EFNB2: variants seen among roughly 807,000 people sequenced by gnomAD.
The protein encoded by EFNB2 is ephrin B2, also known as ephrin-B2.
In EFNB2, 5 loss-of-function variants were observed where a neutral mutation model predicts 32.1. That is an observed-to-expected ratio of 0.16 (90% CI 0.08 to 0.33). The LOEUF (loss-of-function observed/expected upper bound fraction) is 0.33, where lower values mean the gene tolerates loss of function less well. EFNB2 is among the 10% of genes least tolerant of loss of function. EFNB2 has a pLI of 1.00. For missense variants in EFNB2, 263 were observed against 422.6 expected (o/e 0.62, Z 3.31); for synonymous variants, 168 against 166.5 (o/e 1.01, Z -0.07).
At chr13:106,513,010 G>GACAGAAAGA (rs1199715615) in intron 1 of EFNB2, among the ~76,000 whole-genome samples, 198 bp from the exon 2 acceptor site, 4 of 152,166 alleles carry the variant, frequency 2.6e-5, no homozygotes, top group African/African-American at 9.7e-5. Context: ...AAAAAGGAAA[G>GACAGAAAGA]ACAGAAAGAA....
At chr13:106,494,639 T>C (rs932712564) in intron 4 of EFNB2, among the ~76,000 whole-genome samples, 2 of 152,230 alleles carry the variant, frequency 1.3e-5, no homozygotes, top group Non-Finnish European at 2.9e-5. Flanking sequence ...GTAGTTCTAA[T>C]AACTGGCACT....
At chr13:106,530,053 A>G (rs1879823871) in intron 1 of EFNB2, among the ~76,000 whole-genome samples, 1 of 152,252 alleles carries the variant, frequency 6.6e-6, no homozygotes, top group Admixed American at 6.5e-5. Context: ...ATTTAAAATG[A>G]GAATTAAACA....
At chr13:106,534,743 G>A (rs1880004798) in intron 1 of EFNB2, 100 bp downstream of exon 1, 3 of 1,406,608 alleles carry the variant, frequency 2.1e-6, no homozygotes, top group Non-Finnish European at 2.8e-6. Context: ...CGAGGTTCCA[G>A]AAACAGGCTC....
Position 106,493,189 on chromosome 13 carries a change from C to T in EFNB2, c.853G>A (p.Glu285Lys). ...PKRSGNNNGSEPSDIIIPLRT... is the reference protein window; with the variant it reads ...PKRSGNNNGSKPSDIIIPLRT... ...AGCGGGATGATAATGTCACTGGGCT[C>T]TGAGCCGTTGTTGTTGCCGCTGCGC... The change falls in exon 5 of 5, where the codon GAG becomes AAG. Residue 285 changes from glutamate (E) to lysine (K), a missense_variant. Around this residue, in one of 3 missense-constraint regions of EFNB2, gnomAD observed 172 missense variants for 237.1 expected, o/e 0.73. Transcript: ENST00000646441. This position sits in a 1 kb window ranked among gnomAD's most constrained non-coding sequence, Gnocchi z 6.1. 6.2e-7 allele frequency: 1 copy of T among 1,614,206 alleles called. No homozygotes were observed. The highest frequency in any genetic ancestry group is 8.5e-7 in the Non-Finnish European group (1 of 1,180,044).
At chr13:106,520,611 A>C (rs927003811) in intron 1 of EFNB2, 3 of 152,234 alleles carry the variant, frequency 2.0e-5, no homozygotes, top group Admixed American at 6.5e-5. Flanking sequence ...CAGGATCTTC[A>C]GTCTTGCATG....
chr13:106,506,854 G>C (rs1435382156), intron 2 of EFNB2: 1 of 152,196 alleles, frequency 6.6e-6, no homozygotes, highest in African/African-American at 2.4e-5. Context: ...CTTTACAGAT[G>C]AAGAGACTGA....
At chr13:106,499,527 A>G (rs947188734) in intron 2 of EFNB2, among the ~76,000 whole-genome samples, 13 of 152,198 alleles carry the variant, frequency 8.5e-5, no homozygotes, top group African/African-American at 3.1e-4. Flanking sequence ...TTAGAGAAAG[A>G]GTGAAAATAA....
Position 106,489,753 on chromosome 13 carries a change from T to C in EFNB2, c.*3287A>G, listed in dbSNP as rs1044137500. The C allele has an allele frequency of 1.3e-5, 2 of 152,580 alleles. No homozygotes were observed. The highest frequency in any genetic ancestry group is 2.1e-4 in the South Asian group (1 of 4,832). The allele number at this position is 152,580 out of a possible 1,614,324, so 9.5% of individuals were successfully genotyped here. A position where few individuals can be genotyped will look rare whatever the true frequency, so the allele number is the denominator to read the frequency against. On this transcript the variant is annotated 3_prime_UTR_variant, in exon 5 of 5. Coordinates refer to ENST00000646441, the MANE Select transcript of EFNB2 (RefSeq NM_004093.4). ...AAGTACTTTGAAGGCACTTTTTCCA[T>C]AGGAAAAAAATATTTTATTTTTTTA...
Position 106,493,543 on chromosome 13 carries a change from A to T in EFNB2, c.614-115T>A. On this transcript the variant is annotated intron_variant, in intron 4 of 4. Coordinates refer to ENST00000646441, the MANE Select transcript of EFNB2 (RefSeq NM_004093.4). This position sits in a 1 kb window ranked among gnomAD's most constrained non-coding sequence, Gnocchi z 6.1. ...ATAAGCCAGGCTTATTACTAACTAGAAGCTGGACTTTGCCTCGCCAATACC... is the reference window on the plus strand; with the variant it reads ...ATAAGCCAGGCTTATTACTAACTAGTAGCTGGACTTTGCCTCGCCAATACC... 7.2e-7 allele frequency: 1 copy of T among 1,397,160 alleles called. No individual in the cohort carries two copies. The highest frequency in any genetic ancestry group is 9.5e-7 in the Non-Finnish European group (1 of 1,048,444). The allele number at this position is 1,397,160 out of a possible 1,614,324, so 86.5% of individuals were successfully genotyped here.
Position 106,494,993 on chromosome 13 carries a change from A to G in EFNB2, c.501T>C (p.Asp167=), listed in dbSNP as rs1878540814. The part of the protein sequence containing the change: ...AMKILMKVGQ[D]ASSAGSTRNK... ...TCCTGGTTGATCCAGCAGAACTTGC[A>G]TCTATATGAAAAACAAATGATTAAT... is the stretch of plus-strand genomic sequence containing the variant. The change falls in exon 4 of 5, where the codon GAT becomes GAC. Residue 167 remains aspartate (D), a splice_region_variant and synonymous_variant. Coordinates refer to ENST00000646441, the MANE Select transcript of EFNB2 (RefSeq NM_004093.4). 8 of 1,612,962 alleles carry G rather than the reference A, an allele frequency of 5.0e-6. No homozygotes were observed. In the East Asian group the frequency reaches 1.8e-4, roughly 36 times the overall value.
intron 1 of EFNB2, among the ~76,000 whole-genome samples, chr13:106,514,102 T>C (rs1421041537): frequency 2.6e-5 from 4 of 152,178 alleles, no homozygotes; most frequent in Non-Finnish European, 5.9e-5. Context: ...GAAAAATGTA[T>C]GTGGCTGTTA....
At chr13:106,530,822 A>C (rs182602881) in intron 1 of EFNB2, among the ~76,000 whole-genome samples, 1 of 152,274 alleles carries the variant, frequency 6.6e-6, no homozygotes, top group Non-Finnish European at 1.5e-5. Flanking sequence ...GACAGCAAGG[A>C]TTTAGTTGCT....
chr13:106,503,373 A>G (rs1399878241), intron 2 of EFNB2, among the ~76,000 whole-genome samples: 1 of 152,250 alleles, frequency 6.6e-6, no homozygotes, highest in Non-Finnish European at 1.5e-5. Flanking sequence ...ATGAGAGTCA[A>G]TGGTAAAAGA....
intron 1 of EFNB2, among the ~76,000 whole-genome samples, chr13:106,530,339 T>C (rs1194665546): frequency 2.0e-5 from 3 of 152,210 alleles, no homozygotes; most frequent in Non-Finnish European, 4.4e-5. Context: ...CTATGGGTTC[T>C]GCATATTTTA....
At chr13:106,511,616 T>A (rs1594169275) in intron 2 of EFNB2, among the ~76,000 whole-genome samples, 1 of 152,166 alleles carries the variant, frequency 6.6e-6, no homozygotes, top group Non-Finnish European at 1.5e-5. Context: ...AGATAGCAGT[T>A]CCCTAATAAA....
chr13:106,499,006 G>C (rs1313519999), intron 2 of EFNB2, among the ~76,000 whole-genome samples: 1 of 152,106 alleles, frequency 6.6e-6, no homozygotes, highest in Non-Finnish European at 1.5e-5. Context: ...GTTCCACCAG[G>C]AAAGATTTTT....
chr13:106,497,604 A>G (rs1433258214), intron 2 of EFNB2, among the ~76,000 whole-genome samples: 1 of 152,130 alleles, frequency 6.6e-6, no homozygotes, highest in African/African-American at 2.4e-5. Context: ...GGTTTGTTAC[A>G]TATGTATACG....
rs1878462454 is a variant in EFNB2, at chr13:106,493,019, C to T, written c.*21G>A. 3 of 1,585,820 alleles carry T rather than the reference C, an allele frequency of 1.9e-6. No individual in the cohort carries two copies. Among genetic ancestry groups the T allele is most frequent in the South Asian group, 2.3e-5 (2 of 88,120 alleles). On this transcript the variant is annotated 3_prime_UTR_variant, in exon 5 of 5. Transcript: ENST00000646441. The surrounding 1 kb of genome is among the most constrained non-coding windows in gnomAD (Gnocchi z 6.1). ...ACATTAGGTGTCCTCTGGGAAAGCACAGGTACCACCAGGGTCCCTCTCAGA... is the reference window on the plus strand; with the variant it reads ...ACATTAGGTGTCCTCTGGGAAAGCATAGGTACCACCAGGGTCCCTCTCAGA...
rs1229915510 is a variant in EFNB2 at position 106,535,117 on chromosome 13, CG to C, written c.-154del. On this transcript the variant is annotated 5_prime_UTR_variant, in exon 1 of 5. Transcript: ENST00000646441. ...CGCGCTGCGCAGCTCCAGCGGTCGC[CG>C]GGCCAGGTGCGCTCGCTCTCCGGGG... 43 of 1,009,100 alleles carry C rather than the reference CG, an allele frequency of 4.3e-5. No individual in the cohort carries two copies. The highest frequency in any genetic ancestry group is 5.4e-5 in the Non-Finnish European group (41 of 759,586). The allele number at this position is 1,009,100 out of a possible 1,614,324, so 62.5% of individuals were successfully genotyped here. A position where few individuals can be genotyped will look rare whatever the true frequency, so the allele number is the denominator to read the frequency against.
Sources: allele counts gnomAD v4.1 joint callset (sites outside exome capture counted in the v4.1 genomes callset), GRCh38; gene constraint gnomAD v4.1.1; regional missense constraint gnomAD v4.1.1; non-coding constraint Gnocchi (gnomAD v3.1); transcripts MANE v1.5; gene names NCBI Gene and HGNC (gene_info 2026-07-23, HGNC 2026-07-21).